OTUD6A: variants seen among roughly 807,000 people sequenced by gnomAD.
OTUD6A encodes OTU deubiquitinase 6A.
For missense variants in OTUD6A, 209 were observed against 268.2 expected, an observed-to-expected ratio of 0.78 and a Z score of 1.54; for synonymous variants, 138 against 120.2, an observed-to-expected ratio of 1.15 and a Z score of -0.97.
Position 70,062,789 on chromosome X carries a change from C to T in OTUD6A, c.265C>T (p.Pro89Ser). 8.3e-7 allele frequency: 1 copy of T among 1,207,562 alleles called. No homozygotes were observed. Among genetic ancestry groups the T allele is most frequent in the Non-Finnish European group, 1.1e-6 (1 of 893,557 alleles). ...LAKMNLENRP[P>S]RSSKAHRKRE... is the part of the protein sequence containing the mutation. ...CAAGATGAATCTGGAAAACCGGCCT[C>T]CCCGCTCCTCCAAAGCCCACAGAAA... The change falls in exon 1 of 1, where the codon CCC becomes TCC. Residue 89 changes from proline (P) to serine (S), a missense_variant. Coordinates refer to ENST00000338352, the MANE Select transcript of OTUD6A (RefSeq NM_207320.3).
chrX:70,062,620 G>T lies in OTUD6A; in HGVS notation c.96G>T (p.Ser32=), dbSNP rs2020454268. ...LQAQIRSLKN[S]VPKTDKTKRK... Reference sequence around the variant, plus strand: ...CCCAGATCCGGAGCTTAAAAAACTCGGTCCCCAAGACCGACAAGACGAAAA... The same window carrying T: ...CCCAGATCCGGAGCTTAAAAAACTCTGTCCCCAAGACCGACAAGACGAAAA... Residue 32 remains serine, a synonymous_variant, in exon 1 of 1, where the codon TCG becomes TCT. Coordinates refer to ENST00000338352, the MANE Select transcript of OTUD6A (RefSeq NM_207320.3). 1 of 1,209,963 alleles carries T rather than the reference G, an allele frequency of 8.3e-7. No individual in the cohort carries two copies. The highest frequency in any genetic ancestry group is 1.1e-6 in the Non-Finnish European group (1 of 894,645).
At position 70,063,199 on chromosome X, in the gene OTUD6A, G is replaced by A; in HGVS notation, c.675G>A (p.Leu225=). The change falls in exon 1 of 1, where the codon CTG becomes CTA. Residue 225 remains leucine (L), a synonymous_variant. Coordinates refer to ENST00000338352, the MANE Select transcript of OTUD6A (RefSeq NM_207320.3). ...GAGGCCAGCTGGAGCTGAGGGCCCT[G>A]TCGCACGTCCTGAAGACCCCCATCG... ...AWGGQLELRA[L]SHVLKTPIEV... is the part of the protein sequence containing the mutation. 1 of 1,211,603 alleles carries A rather than the reference G, an allele frequency of 8.3e-7. No homozygotes were observed. The highest frequency in any genetic ancestry group is 3.0e-5 in the East Asian group (1 of 33,822).
Sources: gnomAD v4.1 joint callset for allele counts on GRCh38, gnomAD v4.1.1 for gene constraint, MANE v1.5 for transcripts, NCBI Gene and HGNC (gene_info 2026-07-23, HGNC 2026-07-21) for gene names.